The following TMED10 variants were observed in gnomAD, a reference collection of about 807,000 sequenced individuals.
The protein encoded by TMED10 is transmembrane emp24 domain-containing protein 10.
TMED10 carries 7 observed loss-of-function variants against 23.1 expected under a neutral mutation model. That is an observed-to-expected ratio of 0.30 (90% CI 0.17 to 0.57). The LOEUF is 0.57. Ranked by LOEUF, TMED10 falls within the 20% of genes least tolerant of loss-of-function variation. The pLI is 0.91. For missense variants in TMED10, 162 were observed against 274.8 expected (o/e 0.59, Z 2.90); for synonymous variants, 113 against 106.9 (o/e 1.06, Z -0.35).
intron 1 of TMED10, among the ~76,000 whole-genome samples, chr14:75,165,384 T>C (rs1308484959): frequency 6.6e-6 from 1 of 152,100 alleles, no homozygotes; most frequent in African/African-American, 2.4e-5. Flanking sequence ...TACGCCACCA[T>C]GCACGGCTAA....
intron 1 of TMED10, among the ~76,000 whole-genome samples, chr14:75,168,973 T>C (rs908901631): frequency 8.5e-5 from 13 of 152,128 alleles, no homozygotes; most frequent in African/African-American, 2.4e-4. Flanking sequence ...AAGTCAAACA[T>C]TGATCCAGGT....
chr14:75,161,661 G>C (rs529166222), intron 1 of TMED10, among the ~76,000 whole-genome samples: 2 of 152,010 alleles, frequency 1.3e-5, no homozygotes, highest in Non-Finnish European at 2.9e-5. Flanking sequence ...TGAATGACCT[G>C]ATCTAATGCA....
chr14:75,150,978 C>T (rs1007751239), intron 2 of TMED10, among the ~76,000 whole-genome samples: 2 of 151,914 alleles, frequency 1.3e-5, no homozygotes, highest in African/African-American at 2.4e-5. Flanking sequence ...TCTTGGCTCA[C>T]TGCAATCTCT....
chr14:75,137,904 T>C (rs920327374), intron 3 of TMED10, among the ~76,000 whole-genome samples: 4 of 152,038 alleles, frequency 2.6e-5, no homozygotes, highest in Non-Finnish European at 5.9e-5. Context: ...AGATGAGATT[T>C]CACCACGTTG....
At chr14:75,156,501 GAA>G (rs1241012552) in intron 1 of TMED10, among the ~76,000 whole-genome samples, 2 of 152,102 alleles carry the variant, frequency 1.3e-5, no homozygotes, top group African/African-American at 4.8e-5. Flanking sequence ...CAGCAAACTA[GAA>G]AAGATGGCCT....
intron 1 of TMED10, among the ~76,000 whole-genome samples, chr14:75,162,102 T>C (rs1013955009): frequency 4.6e-5 from 7 of 152,016 alleles, no homozygotes; most frequent in African/African-American, 1.7e-4. Context: ...CCATCTCTAC[T>C]AAAAATACAA....
intron 3 of TMED10, among the ~76,000 whole-genome samples, chr14:75,137,910 C>T (rs1392235233): frequency 1.3e-5 from 2 of 151,932 alleles, no homozygotes; most frequent in Non-Finnish European, 2.9e-5. Flanking sequence ...GATTTCACCA[C>T]GTTGGCCAGG....
intron 1 of TMED10, among the ~76,000 whole-genome samples, chr14:75,158,307 AAGC>A (rs1296578417): frequency 1.3e-5 from 2 of 152,138 alleles, no homozygotes; most frequent in African/African-American, 4.8e-5. Flanking sequence ...AAACTGAAAG[AAGC>A]AGCATAAAAA....
intron 1 of TMED10, among the ~76,000 whole-genome samples, chr14:75,174,446 G>A (rs764251098): frequency 3.3e-5 from 5 of 152,080 alleles, no homozygotes; most frequent in Non-Finnish European, 7.4e-5. Flanking sequence ...CGAGATGAGA[G>A]CAAGGTCTCT....
chr14:75,133,279 T>C lies in TMED10; in HGVS notation c.*1606A>G, dbSNP rs1895709492. 6.6e-6 allele frequency: 1 copy of C among 152,048 alleles called. No individual in the cohort carries two copies. Among genetic ancestry groups the C allele is most frequent in the Non-Finnish European group, 1.5e-5 (1 of 68,014 alleles). The allele number at this position is 152,048 out of a possible 1,614,324, so 9.4% of individuals were successfully genotyped here. A position where few individuals can be genotyped will look rare whatever the true frequency, so the allele number is the denominator to read the frequency against. On this transcript the variant is annotated 3_prime_UTR_variant, in exon 5 of 5. Coordinates refer to ENST00000303575, the MANE Select transcript of TMED10 (RefSeq NM_006827.6). ...TTATCTAGGATATATAAAAAACCTC[T>C]CAAAACTCAATAGTAAAAAGAACAA...
intron 1 of TMED10, among the ~76,000 whole-genome samples, chr14:75,157,487 A>G (rs1368012619): frequency 1.3e-5 from 2 of 152,124 alleles, no homozygotes; most frequent in African/African-American, 4.8e-5. Flanking sequence ...TGCCGTCTCT[A>G]CAAAAAATAA....
chr14:75,150,499 C>G (rs752862710), intron 2 of TMED10, among the ~76,000 whole-genome samples: 1 of 152,224 alleles, frequency 6.6e-6, no homozygotes, highest in Non-Finnish European at 1.5e-5. Flanking sequence ...CAGTCGAGGA[C>G]AGACTGCATA....
At chr14:75,137,708 CTT>C (rs368437388) in intron 3 of TMED10, among the ~76,000 whole-genome samples, 107 of 131,158 alleles carry the variant, frequency 8.2e-4, no homozygotes, top group Admixed American at 1.9e-3. Flanking sequence ...TTCTTTCTTT[CTT>C]TTTTTTTTTT....
At chr14:75,152,499 AAGT>A (rs1220249364) in intron 1 of TMED10, among the ~76,000 whole-genome samples, 1 of 152,274 alleles carries the variant, frequency 6.6e-6, no homozygotes, top group Non-Finnish European at 1.5e-5. Context: ...ACAAAAATGA[AAGT>A]AGACAATTAT....
intron 3 of TMED10, among the ~76,000 whole-genome samples, chr14:75,145,615 G>A (rs1275528457): frequency 6.6e-6 from 1 of 151,992 alleles, no homozygotes; most frequent in African/African-American, 2.4e-5. Flanking sequence ...GTGAAACCCC[G>A]TCTCTACTAA....
intron 1 of TMED10, among the ~76,000 whole-genome samples, chr14:75,171,869 T>C (rs368016596): frequency 1.2e-4 from 18 of 151,908 alleles, no homozygotes; most frequent in Middle Eastern, 3.2e-3. Flanking sequence ...GCACAAAAAG[T>C]ACTGTGTGTT....
intron 3 of TMED10, chr14:75,136,641 A>G (rs528209864): frequency 6.6e-6 from 1 of 152,246 alleles, no homozygotes; most frequent in Non-Finnish European, 1.5e-5. Context: ...TTATAGCATT[A>G]AAGTAATAAT....
intron 3 of TMED10, chr14:75,139,310 C>T: frequency 5.9e-6 from 2 of 339,630 alleles, no homozygotes; most frequent in Non-Finnish European, 1.1e-5. Flanking sequence ...TCATCTTATT[C>T]TTAACTGCTG....
intron 3 of TMED10, among the ~76,000 whole-genome samples, chr14:75,138,860 C>A: frequency 7.6e-6 from 1 of 131,656 alleles, no homozygotes; most frequent in African/African-American, 3.0e-5. Context: ...TGTTAAAGGA[C>A]AATAGTCCAG....
Sources: allele counts gnomAD v4.1 joint callset (sites outside exome capture counted in the v4.1 genomes callset), GRCh38; gene constraint gnomAD v4.1.1; transcripts MANE v1.5; gene names NCBI Gene and HGNC (gene_info 2026-07-23, HGNC 2026-07-21).